Variants in IPCEF1 observed in about 807,000 individuals in gnomAD.
IPCEF1 encodes the protein interaction protein for cytohesin exchange factors 1.
Under a neutral mutation model 50.9 loss-of-function variants are expected in IPCEF1, and 31 were observed. The observed-to-expected ratio is 0.61, with a 90% CI of 0.46 to 0.82. IPCEF1 has a LOEUF of 0.82. Among genes scored for constraint, IPCEF1 ranks in the 40% least tolerant of loss-of-function variants. The pLI, the probability that IPCEF1 is intolerant of heterozygous loss-of-function variation, is 0.00. For synonymous variants in IPCEF1, 181 were observed against 192.0 expected (o/e 0.94, Z 0.47); for missense variants, 458 against 514.0 (o/e 0.89, Z 1.05).
chr6:154,279,904 T>C (rs1251633682), intron 2 of IPCEF1, among the ~76,000 whole-genome samples: 2 of 152,142 alleles, frequency 1.3e-5, no homozygotes, highest in Non-Finnish European at 2.9e-5. Context: ...CCAATATACA[T>C]AGGAGAGACA....
chr6:154,275,761 C>T (rs1028094815), intron 2 of IPCEF1, among the ~76,000 whole-genome samples: 11 of 152,004 alleles, frequency 7.2e-5, no homozygotes, highest in African/African-American at 2.4e-4. Context: ...TGCAACTGGA[C>T]ATTCACTGGC....
At chr6:154,161,361 C>T (rs751619393) in intron 11 of IPCEF1, among the ~76,000 whole-genome samples, 6 of 152,030 alleles carry the variant, frequency 3.9e-5, no homozygotes, top group Non-Finnish European at 7.4e-5. Flanking sequence ...CAGGCATGCA[C>T]CACCATGCCT....
At chr6:154,290,954 C>T (rs972578113) in intron 1 of IPCEF1, among the ~76,000 whole-genome samples, 1 of 143,070 alleles carries the variant, frequency 7.0e-6, no homozygotes. Flanking sequence ...CAGTGGCACA[C>T]ACAATCTCAG....
intron 1 of IPCEF1, among the ~76,000 whole-genome samples, chr6:154,303,824 G>A (rs1782861066): frequency 6.6e-6 from 1 of 152,200 alleles, no homozygotes; most frequent in Admixed American, 6.5e-5. Context: ...GCGAGGCTGA[G>A]TCAGGACAAT....
chr6:154,254,869 C>A (rs1185453775), intron 3 of IPCEF1, among the ~76,000 whole-genome samples: 1 of 151,782 alleles, frequency 6.6e-6, no homozygotes, highest in African/African-American at 2.4e-5. Flanking sequence ...TTTTATTTTG[C>A]GGTTTTGGTT....
At chr6:154,330,378 A>C (rs1000985077) in intron 1 of IPCEF1, among the ~76,000 whole-genome samples, 1 of 126,510 alleles carries the variant, frequency 7.9e-6, no homozygotes, top group South Asian at 2.7e-4. Flanking sequence ...TCTGTCACCC[A>C]GGGTGGAGTG....
At chr6:154,333,896 A>G (rs1029763535) in intron 1 of IPCEF1, among the ~76,000 whole-genome samples, 1 of 152,122 alleles carries the variant, frequency 6.6e-6, no homozygotes, top group Non-Finnish European at 1.5e-5. Context: ...CTCATACAAC[A>G]TGCAAGGGCT....
intron 10 of IPCEF1, among the ~76,000 whole-genome samples, chr6:154,183,353 C>T (rs1428550088): frequency 6.6e-6 from 1 of 152,204 alleles, no homozygotes; most frequent in Non-Finnish European, 1.5e-5. Flanking sequence ...TATGTACTTG[C>T]ATAACATGAC....
At chr6:154,189,018 C>T (rs1382466274) in intron 10 of IPCEF1, among the ~76,000 whole-genome samples, 1 of 152,086 alleles carries the variant, frequency 6.6e-6, no homozygotes, top group Non-Finnish European at 1.5e-5. Flanking sequence ...AAAGATACTA[C>T]TTTACAAGAA....
intron 1 of IPCEF1, among the ~76,000 whole-genome samples, chr6:154,332,305 T>C (rs1367707078): frequency 8.8e-6 from 1 of 112,996 alleles, no homozygotes; most frequent in African/African-American, 3.3e-5. Flanking sequence ...TTTTTTTTTT[T>C]ACTGTTTTTT....
chr6:154,281,839 C>G (rs945332880), intron 2 of IPCEF1, among the ~76,000 whole-genome samples: 1 of 152,102 alleles, frequency 6.6e-6, no homozygotes, highest in Non-Finnish European at 1.5e-5. Context: ...CACGTCTCTA[C>G]TAAAAATACA....
rs1435466919 is a variant in IPCEF1 at position 154,154,557 on chromosome 6, A to C, written c.*5271T>G. 6.6e-6 allele frequency: 1 copy of C among 152,202 alleles called. No homozygotes were observed. Among genetic ancestry groups the C allele is most frequent in the Non-Finnish European group, 1.5e-5 (1 of 68,032 alleles). 9.4% of individuals were successfully genotyped at this position (152,202 alleles called of 1,614,324 possible). ...AACAAGTCTAGAAGCGATTTTGATG[A>C]CTGCCACCAGAGGGCACTGTAACCT... is the stretch of plus-strand genomic sequence containing the variant. On this transcript the variant is annotated 3_prime_UTR_variant, in exon 12 of 12. Transcript: ENST00000367220.
intron 10 of IPCEF1, among the ~76,000 whole-genome samples, chr6:154,179,392 A>G (rs923921781): frequency 1.3e-5 from 2 of 152,196 alleles, no homozygotes; most frequent in Admixed American, 1.3e-4. Context: ...AAAACACTAC[A>G]TTATTTCTCT....
intron 1 of IPCEF1, among the ~76,000 whole-genome samples, chr6:154,342,438 C>T (rs1196589086): frequency 6.6e-6 from 1 of 152,206 alleles, no homozygotes; most frequent in African/African-American, 2.4e-5. Flanking sequence ...CTACTCACCC[C>T]TCTCCCTACA....
chr6:154,208,059 A>G (rs1000401305), intron 9 of IPCEF1, among the ~76,000 whole-genome samples: 2 of 152,090 alleles, frequency 1.3e-5, no homozygotes, highest in African/African-American at 4.8e-5. Context: ...CCCACTTCCC[A>G]GTGTCTGTTG....
In IPCEF1 at chr6:154,306,444, C is replaced by T. The variant is rs140546632; in HGVS notation, c.-61-16688G>A. On this transcript the variant is annotated intron_variant, in intron 1 of 11. Transcript: ENST00000367220. ...GTAGAGACAGGGTCTCTCTATGTTG[C>T]GAGGCTGGCCTCGAACTCCTGCGTT... is the stretch of plus-strand genomic sequence containing the variant. 3.9e-5 allele frequency among the ~76,000 whole-genome samples: 6 copies of T among 152,172 alleles called. No homozygotes were observed. In the East Asian group the frequency reaches 9.6e-4, roughly 24 times the overall value.
At chr6:154,163,610 C>T (rs1799198037) in intron 11 of IPCEF1, among the ~76,000 whole-genome samples, 1 of 152,044 alleles carries the variant, frequency 6.6e-6, no homozygotes, top group Admixed American at 6.6e-5. Context: ...GCCCCAAGTG[C>T]CTGAAAGAAT....
intron 2 of IPCEF1, among the ~76,000 whole-genome samples, chr6:154,285,992 T>C (rs1311546270): frequency 6.6e-6 from 1 of 152,186 alleles, no homozygotes; most frequent in Non-Finnish European, 1.5e-5. Context: ...ACATAAAACT[T>C]CACAATATTT....
chr6:154,265,979 A>T lies in IPCEF1; in HGVS notation c.-17-15T>A, dbSNP rs768095383. ...AGAAACAAAAGCTAGAAGAGAAAAA[A>T]TGTTTTCAGTTAAATGTGAGATTAA... On this transcript the variant is annotated splice_polypyrimidine_tract_variant and intron_variant, in intron 2 of 11. Coordinates refer to ENST00000367220, the MANE Select transcript of IPCEF1 (RefSeq NM_001130700.2). 1 of 1,529,996 alleles carries T rather than the reference A, an allele frequency of 6.5e-7. No individual in the cohort carries two copies. Among genetic ancestry groups the T allele is most frequent in the South Asian group, 1.2e-5 (1 of 85,730 alleles). The allele number at this position is 1,529,996 out of a possible 1,614,324, so 94.8% of individuals were successfully genotyped here.
Sources: allele counts gnomAD v4.1 joint callset (sites outside exome capture counted in the v4.1 genomes callset), GRCh38; gene constraint gnomAD v4.1.1; transcripts MANE v1.5; gene names NCBI Gene and HGNC (gene_info 2026-07-23, HGNC 2026-07-21).